The following MYO3B variants were observed in gnomAD, a reference collection of about 807,000 sequenced individuals.
MYO3B encodes the protein myosin IIIB.
In MYO3B, 156 loss-of-function variants were observed where a neutral mutation model predicts 174.6. The ratio of observed to expected loss-of-function variants is 0.89; its 90% confidence interval spans 0.78 to 1.02. The LOEUF (loss-of-function observed/expected upper bound fraction) is 1.02. Among genes scored for constraint, MYO3B ranks in the 50% least tolerant of loss-of-function variants. The pLI, the probability that MYO3B is intolerant of heterozygous loss-of-function variation, is 0.00. For synonymous variants in MYO3B, 563 were observed against 569.1 expected (o/e 0.99, Z 0.15); for missense variants, 1,632 against 1,639.4 (o/e 1.00, Z 0.08).
intron 25 of MYO3B, among the ~76,000 whole-genome samples, chr2:170,472,673 C>T (rs201243151): frequency 0.011 from 1,591 of 142,356 alleles, 56 homozygotes; most frequent in East Asian, 0.088. Flanking sequence ...CACTTTTTAT[C>T]TATTTATTTA....
intron 7 of MYO3B, among the ~76,000 whole-genome samples, chr2:170,243,719 T>A (rs999797507): frequency 6.6e-6 from 1 of 152,192 alleles, no homozygotes; most frequent in African/African-American, 2.4e-5. Context: ...GAATTTTCTT[T>A]CCCTTGTAGC....
intron 25 of MYO3B, among the ~76,000 whole-genome samples, chr2:170,480,685 A>G (rs1013347288): frequency 2.0e-5 from 3 of 152,158 alleles, no homozygotes; most frequent in Non-Finnish European, 4.4e-5. Flanking sequence ...GGGATCTGAC[A>G]CTATCTCCAG....
chr2:170,626,809 C>G (rs1696480117), intron 32 of MYO3B, among the ~76,000 whole-genome samples: 1 of 152,182 alleles, frequency 6.6e-6, no homozygotes, highest in Non-Finnish European at 1.5e-5. Flanking sequence ...ACTTATGAAG[C>G]TTAGTTTGGC....
At chr2:170,375,931 C>T (rs550128218) in intron 9 of MYO3B, among the ~76,000 whole-genome samples, 1 of 152,068 alleles carries the variant, frequency 6.6e-6, no homozygotes, top group Non-Finnish European at 1.5e-5. Flanking sequence ...CTATCTATAC[C>T]TATATCTGTC....
intron 23 of MYO3B, among the ~76,000 whole-genome samples, chr2:170,461,787 AAAAAG>A (rs1684305901): frequency 6.6e-6 from 1 of 152,174 alleles, no homozygotes; most frequent in South Asian, 2.1e-4. Context: ...AAAAAAAAAA[AAAAAG>A]AAGTGGTGGA....
intron 3 of MYO3B, among the ~76,000 whole-genome samples, chr2:170,203,504 G>A (rs1474745463): frequency 7.1e-6 from 1 of 140,124 alleles, no homozygotes; most frequent in Non-Finnish European, 1.5e-5. Flanking sequence ...GCGGCGGGGG[G>A]GGGAGGGAGG....
chr2:170,442,850 G>A (rs2094812135), intron 22 of MYO3B, among the ~76,000 whole-genome samples: 1 of 152,144 alleles, frequency 6.6e-6, no homozygotes, highest in Non-Finnish European at 1.5e-5. Flanking sequence ...TTTTATGGCT[G>A]CATAGTATTC....
intron 32 of MYO3B, among the ~76,000 whole-genome samples, chr2:170,572,442 C>A (rs4668281): frequency 6.6e-6 from 1 of 150,570 alleles, no homozygotes; most frequent in Non-Finnish European, 1.5e-5. Context: ...AAAAAAAAAC[C>A]CATCTCTACA....
At chr2:170,463,310 T>C (rs1161965856) in intron 23 of MYO3B, 58 bp from the exon 24 acceptor site, 2 of 1,492,422 alleles carry the variant, frequency 1.3e-6, no homozygotes, top group Non-Finnish European at 9.3e-7. Context: ...TTGGAAGACA[T>C]GGAGCATGAG....
chr2:170,365,450 A>G (rs1010008325), intron 8 of MYO3B, among the ~76,000 whole-genome samples: 2 of 152,124 alleles, frequency 1.3e-5, no homozygotes, highest in Non-Finnish European at 2.9e-5. Flanking sequence ...TAATTAATTT[A>G]TGTATTGTGG....
At chr2:170,277,236 A>G (rs2093470083) in intron 7 of MYO3B, among the ~76,000 whole-genome samples, 2 of 152,206 alleles carry the variant, frequency 1.3e-5, no homozygotes, top group Admixed American at 1.3e-4. Flanking sequence ...CATAATCTGT[A>G]CTAGTGATTG....
At chr2:170,505,279 G>A (rs564862586) in intron 28 of MYO3B, among the ~76,000 whole-genome samples, 14 of 152,224 alleles carry the variant, frequency 9.2e-5, no homozygotes, top group South Asian at 4.2e-4. Context: ...AGGGAGGTGG[G>A]AAGCAACTCT....
rs201921789 is a variant in MYO3B at position 170,374,758 on chromosome 2, T to TACACACACAC, written c.971+5414_971+5423dup. Among the ~76,000 whole-genome samples, 1,133 of 139,988 alleles carry TACACACACAC rather than the reference T, an allele frequency of 8.1e-3. 19 individuals carry two copies. The highest frequency in any genetic ancestry group is 0.029 in the African/African-American group (1,015 of 35,614). The allele number at this position is 139,988 out of a possible 152,430, so 91.8% of individuals were successfully genotyped here. On this transcript the variant is annotated intron_variant, in intron 9 of 34. Coordinates refer to ENST00000408978, the MANE Select transcript of MYO3B (RefSeq NM_138995.5). ...CTCTCTATATATATATATGCATACA[T>TACACACACAC]ACACACACACACACACACACACACA...
chr2:170,502,826 G>C (rs1383776342), intron 28 of MYO3B, among the ~76,000 whole-genome samples: 2 of 152,242 alleles, frequency 1.3e-5, no homozygotes, highest in Non-Finnish European at 2.9e-5. Flanking sequence ...CCTCTTGAAA[G>C]AAGTCCCTCC....
intron 32 of MYO3B, among the ~76,000 whole-genome samples, chr2:170,600,698 A>G (rs1694452960): frequency 6.6e-6 from 1 of 152,210 alleles, no homozygotes; most frequent in African/African-American, 2.4e-5. Flanking sequence ...TGGCAGTCTT[A>G]TATTCTAAGC....
chr2:170,532,539 G>A (rs187850347), intron 30 of MYO3B, among the ~76,000 whole-genome samples: 70 of 152,206 alleles, frequency 4.6e-4, no homozygotes, highest in African/African-American at 1.5e-3. Flanking sequence ...TAGGCTGGGC[G>A]CAGTGGCTCA....
At chr2:170,627,513 G>C (rs527596744) in intron 32 of MYO3B, among the ~76,000 whole-genome samples, 7 of 152,120 alleles carry the variant, frequency 4.6e-5, no homozygotes, top group Admixed American at 4.6e-4. Flanking sequence ...CCTTTAGCTC[G>C]GAGAAGTTTG....
intron 7 of MYO3B, among the ~76,000 whole-genome samples, chr2:170,304,504 A>T (rs1411878237): frequency 1.5e-5 from 2 of 135,832 alleles, no homozygotes; most frequent in Non-Finnish European, 3.1e-5. Context: ...TCGCTCTGTC[A>T]CCCAGGCTGG....
intron 6 of MYO3B, among the ~76,000 whole-genome samples, chr2:170,223,959 G>T (rs1256595672): frequency 1.3e-5 from 2 of 152,162 alleles, no homozygotes; most frequent in African/African-American, 4.8e-5. Flanking sequence ...AGCCCCTTGA[G>T]TGCTCCTCAG....
Sources: gnomAD v4.1 joint callset for allele counts (sites outside exome capture counted in the v4.1 genomes callset) on GRCh38, gnomAD v4.1.1 for gene constraint, MANE v1.5 for transcripts, NCBI Gene and HGNC (gene_info 2026-07-23, HGNC 2026-07-21) for gene names.